EPB41L4A: variants seen among roughly 807,000 people sequenced by gnomAD.
The protein encoded by EPB41L4A is band 4.1-like protein 4A.
Under a neutral mutation model 108.6 loss-of-function variants are expected in EPB41L4A, and 100 were observed. That is an observed-to-expected ratio of 0.92 (90% CI 0.78 to 1.09). The LOEUF is 1.09. Ranked by LOEUF, EPB41L4A falls within the 50% of genes least tolerant of loss-of-function variation. EPB41L4A has a pLI of 0.00. For synonymous variants in EPB41L4A, 319 were observed against 289.0 expected, an observed-to-expected ratio of 1.10 and a Z score of -1.05; for missense variants, 1,030 against 842.7, an observed-to-expected ratio of 1.22 and a Z score of -2.75.
Position 112,234,692 on chromosome 5 carries a change from A to G in EPB41L4A, c.1029T>C (p.Asn343=). The change falls in exon 12 of 23, where the codon AAT becomes AAC. Residue 343 remains asparagine (N), a synonymous_variant. Transcript: ENST00000261486. The stretch of plus-strand genomic sequence containing the variant: ...AAGTCTTGCTTCGACTTCTTGTCAC[A>G]TTCTGATCAGGCCGGGGAAGCTGAA... ...LSIQLPRPDQ[N]VTRSRSKTYP... is the part of the protein sequence containing the mutation. 6.2e-7 allele frequency: 1 copy of G among 1,613,798 alleles called. No individual in the cohort carries two copies. The highest frequency in any genetic ancestry group is 8.5e-7 in the Non-Finnish European group (1 of 1,179,764).
chr5:112,237,091 A>G (rs1304350777), intron 11 of EPB41L4A, among the ~76,000 whole-genome samples: 1 of 152,166 alleles, frequency 6.6e-6, no homozygotes, highest in Non-Finnish European at 1.5e-5. Context: ...TCATTAATCA[A>G]AACTAGGAGC....
intron 9 of EPB41L4A, among the ~76,000 whole-genome samples, chr5:112,257,974 C>T (rs1260904528): frequency 6.6e-6 from 1 of 152,194 alleles, no homozygotes; most frequent in Non-Finnish European, 1.5e-5. Context: ...GATGTCTAAT[C>T]AGGAGCTGAA....
At chr5:112,415,139 A>T (rs1228659522) in intron 1 of EPB41L4A, among the ~76,000 whole-genome samples, 2 of 152,138 alleles carry the variant, frequency 1.3e-5, no homozygotes, top group Non-Finnish European at 2.9e-5. Flanking sequence ...GGTAAGTGAG[A>T]TGCATAAAAT....
At chr5:112,265,960 T>C (rs1401150190) in intron 5 of EPB41L4A, among the ~76,000 whole-genome samples, 4 of 152,124 alleles carry the variant, frequency 2.6e-5, no homozygotes, top group African/African-American at 7.2e-5. Context: ...GAGATGTAGA[T>C]AGAACAGATT....
At chr5:112,335,214 C>T (rs970581642) in intron 1 of EPB41L4A, among the ~76,000 whole-genome samples, 1 of 152,140 alleles carries the variant, frequency 6.6e-6, no homozygotes, top group Non-Finnish European at 1.5e-5. Context: ...GGCACAAAAA[C>T]AAAAGCAACT....
At chr5:112,419,676 C>G (rs774598024), upstream of EPB41L4A, 6 of 456,486 alleles carry the variant, frequency 1.3e-5, no homozygotes, top group Admixed American at 4.7e-5. Flanking sequence ...AGGCGAAGGT[C>G]GTCGCTCCGT....
chr5:112,206,300 T>C (rs960779395), intron 13 of EPB41L4A, among the ~76,000 whole-genome samples: 2 of 150,998 alleles, frequency 1.3e-5, no homozygotes, highest in Admixed American at 6.6e-5. Flanking sequence ...TGTCCTAGGA[T>C]AGGGTCATAG....
chr5:112,275,552 G>GT, intron 3 of EPB41L4A, 148 bp from the exon 4 acceptor site: 1 of 983,294 alleles, frequency 1.0e-6, no homozygotes, highest in Non-Finnish European at 1.4e-6. Context: ...GTTCAGAACT[G>GT]TGACGATAGG....
intron 2 of EPB41L4A, among the ~76,000 whole-genome samples, chr5:112,297,780 G>A (rs1419150838): frequency 6.6e-6 from 1 of 151,864 alleles, no homozygotes; most frequent in Non-Finnish European, 1.5e-5. Context: ...TAATGATTTA[G>A]GACTTAAATC....
At chr5:112,260,650 C>T (rs898669822) in intron 7 of EPB41L4A, among the ~76,000 whole-genome samples, 5 of 152,154 alleles carry the variant, frequency 3.3e-5, no homozygotes, top group African/African-American at 1.2e-4. Context: ...AAAGTATAAT[C>T]TCTTCTGGTA....
chr5:112,373,253 C>T (rs1759608272), intron 1 of EPB41L4A, among the ~76,000 whole-genome samples: 1 of 152,142 alleles, frequency 6.6e-6, no homozygotes, highest in African/African-American at 2.4e-5. Flanking sequence ...GGACAAGACC[C>T]CAGAAGGGTT....
intron 1 of EPB41L4A, among the ~76,000 whole-genome samples, chr5:112,384,124 A>G (rs1363402609): frequency 6.6e-6 from 1 of 152,156 alleles, no homozygotes; most frequent in Non-Finnish European, 1.5e-5. Flanking sequence ...GTGATAGCTA[A>G]AGGATACAAG....
At chr5:112,346,149 A>G (rs904797355) in intron 1 of EPB41L4A, among the ~76,000 whole-genome samples, 4 of 150,010 alleles carry the variant, frequency 2.7e-5, no homozygotes, top group Non-Finnish European at 4.4e-5. Flanking sequence ...ACAAAGATAT[A>G]ACCATATGTT....
At chr5:112,229,456 G>A (rs1288972896) in intron 12 of EPB41L4A, among the ~76,000 whole-genome samples, 1 of 151,848 alleles carries the variant, frequency 6.6e-6, no homozygotes, top group East Asian at 1.9e-4. Context: ...GGTGGTTCTT[G>A]GTTACATGAG....
At chr5:112,226,532 T>C (rs4958018) in intron 12 of EPB41L4A, among the ~76,000 whole-genome samples, 32,308 of 152,158 alleles carry the variant, frequency 0.21, 4,013 homozygotes, top group African/African-American at 0.33. Flanking sequence ...GATGGAATGA[T>C]TAACTGTGTG....
chr5:112,160,064 C>T (rs1461677595), downstream of EPB41L4A, among the ~76,000 whole-genome samples: 1 of 151,624 alleles, frequency 6.6e-6, no homozygotes, highest in African/African-American at 2.4e-5. Context: ...ACGCCCGCCA[C>T]CAAGCCCAAG....
intron 4 of EPB41L4A, among the ~76,000 whole-genome samples, chr5:112,273,960 T>A (rs938524863): frequency 6.6e-6 from 1 of 152,102 alleles, no homozygotes; most frequent in African/African-American, 2.4e-5. Flanking sequence ...AATGTGATAA[T>A]GAACAATGTG....
At chr5:112,295,357 G>A (rs946362922) in intron 2 of EPB41L4A, among the ~76,000 whole-genome samples, 1 of 152,200 alleles carries the variant, frequency 6.6e-6, no homozygotes, top group African/African-American at 2.4e-5. Flanking sequence ...GGGATGCTAT[G>A]TGAGGACTTC....
chr5:112,240,633 TTC>T, intron 10 of EPB41L4A, 84 bp downstream of exon 10: 1 of 730,146 alleles, frequency 1.4e-6, no homozygotes. Flanking sequence ...AATTCCAAAT[TTC>T]TGTTTTAGAC....
Sources: allele counts gnomAD v4.1 joint callset (sites outside exome capture counted in the v4.1 genomes callset), GRCh38; gene constraint gnomAD v4.1.1; transcripts MANE v1.5; gene names NCBI Gene and HGNC (gene_info 2026-07-23, HGNC 2026-07-21).